Variants in ZFHX3 observed in about 807,000 individuals in gnomAD.
ZFHX3 encodes zinc finger homeobox 3, also known as zinc finger homeobox protein 3.
Under a neutral mutation model 279.1 loss-of-function variants are expected in ZFHX3, and 42 were observed. That is an observed-to-expected ratio of 0.15 (90% CI 0.12 to 0.19). The LOEUF is 0.19. ZFHX3 is among the 10% of genes least tolerant of loss of function. The pLI is 1.00. For synonymous variants in ZFHX3, 2,293 were observed against 1,957.8 expected (o/e 1.17, Z -4.52); for missense variants, 4,981 against 4,754.0 (o/e 1.05, Z -1.40).
intron 2 of ZFHX3, among the ~76,000 whole-genome samples, chr16:73,629,035 C>T (rs2052443627): frequency 6.6e-6 from 1 of 152,312 alleles, no homozygotes; most frequent in East Asian, 1.9e-4. Flanking sequence ...TGCTATCACA[C>T]ACTGTAATAA....
At chr16:73,752,541 G>C (rs536198247) in intron 1 of ZFHX3, among the ~76,000 whole-genome samples, 41 of 151,878 alleles carry the variant, frequency 2.7e-4, no homozygotes, top group African/African-American at 9.7e-4. Flanking sequence ...TCTCTTCCTG[G>C]TCCCCAACAG....
At position 72,787,994 on chromosome 16, in the gene ZFHX3, G is replaced by T; in HGVS notation, c.10282C>A (p.Pro3428Thr). ...SPKPEEQKNTPREVSPLLPKL... is the reference protein window; with the variant it reads ...SPKPEEQKNTTREVSPLLPKL... ...GGCAGGAGGGGGGACACCTCACGGGGGGTGTTTTTCTGTTCTTCTGGTTTG... is the reference window on the plus strand; with the variant it reads ...GGCAGGAGGGGGGACACCTCACGGGTGGTGTTTTTCTGTTCTTCTGGTTTG... The change falls in exon 10 of 10, where the codon CCC becomes ACC. Residue 3428 changes from proline to threonine, a missense_variant. By Grantham distance (38) the Pro-to-Thr change is conservative (BLOSUM62 -1). Around this residue, in one of 7 missense-constraint regions of ZFHX3, gnomAD observed 1,034 missense variants for 786.0 expected, o/e 1.32. Transcript: ENST00000268489. The T allele has an allele frequency of 6.2e-7, 1 of 1,613,600 alleles. No individual in the cohort carries two copies.
intron 1 of ZFHX3, among the ~76,000 whole-genome samples, chr16:73,029,838 C>CA (rs1964631961): frequency 6.6e-6 from 1 of 151,984 alleles, no homozygotes; most frequent in Non-Finnish European, 1.5e-5. Context: ...TTACAATGGA[C>CA]AAAAAATGAG....
At chr16:73,003,244 C>G (rs1401175650) in intron 1 of ZFHX3, among the ~76,000 whole-genome samples, 1 of 151,420 alleles carries the variant, frequency 6.6e-6, no homozygotes, top group African/African-American at 2.4e-5. Context: ...TTGCACGACT[C>G]TCAGGGTTTC....
At chr16:73,071,142 A>AG in intron 8 of ZFHX3, among the ~76,000 whole-genome samples, 1 of 148,344 alleles carries the variant, frequency 6.7e-6, no homozygotes, top group African/African-American at 2.5e-5. Context: ...AAAAAAAAAA[A>AG]GTCTGGAGGC....
At chr16:72,801,242 A>G (rs2036090719) in intron 7 of ZFHX3, among the ~76,000 whole-genome samples, 1 of 152,198 alleles carries the variant, frequency 6.6e-6, no homozygotes. Context: ...TAACCTTTCT[A>G]CGTGGCACCC....
chr16:73,762,682 T>C (rs180755910), intron 1 of ZFHX3, among the ~76,000 whole-genome samples: 3 of 152,228 alleles, frequency 2.0e-5, no homozygotes, highest in Non-Finnish European at 2.9e-5. Context: ...TGCAGGGACA[T>C]GGATGGAGCA....
rs529108683 is a variant in ZFHX3 at position 73,797,584 on chromosome 16, C to A, written c.-1608+94067G>T. On this transcript the variant is annotated intron_variant, in intron 1 of 17. Transcript: ENST00000641206. Reference sequence around the variant, plus strand: ...ATGCCTGAAATTTTCAAGTATGATTCATTGTATGACAATGAAATTCAGAAG... The same window carrying A: ...ATGCCTGAAATTTTCAAGTATGATTAATTGTATGACAATGAAATTCAGAAG... Among the ~76,000 whole-genome samples the A allele has an allele frequency of 2.0e-5, 3 of 152,094 alleles. No individual in the cohort carries two copies. The South Asian group carries it at 6.2e-4, about 31-fold the overall frequency.
chr16:73,721,484 G>A (rs1372044364), intron 1 of ZFHX3, among the ~76,000 whole-genome samples: 1 of 152,096 alleles, frequency 6.6e-6, no homozygotes, highest in African/African-American at 2.4e-5. Context: ...CCCAGTCCTT[G>A]GATTTGCTGA....
intron 1 of ZFHX3, among the ~76,000 whole-genome samples, chr16:73,889,238 G>C (rs1250798509): frequency 1.3e-5 from 2 of 152,190 alleles, no homozygotes; most frequent in Non-Finnish European, 2.9e-5. Flanking sequence ...AGGTGCGGCT[G>C]TGCAGGAAGG....
At chr16:73,470,060 C>T (rs532397704) in intron 2 of ZFHX3, among the ~76,000 whole-genome samples, 56 of 152,262 alleles carry the variant, frequency 3.7e-4, no homozygotes, top group Non-Finnish European at 6.6e-4. Flanking sequence ...ATATTCATCA[C>T]CTTGGGAGGG....
At chr16:73,406,530 G>A (rs12933551) in intron 3 of ZFHX3, among the ~76,000 whole-genome samples, 58,255 of 152,058 alleles carry the variant, frequency 0.38, 11,526 homozygotes, top group East Asian at 0.53. Flanking sequence ...TGACAGCTTC[G>A]CGTAGCTGCT....
chr16:73,418,684 T>C (rs765257732), intron 3 of ZFHX3, among the ~76,000 whole-genome samples: 2 of 152,232 alleles, frequency 1.3e-5, no homozygotes, highest in African/African-American at 2.4e-5. Flanking sequence ...TGTGGCTTTG[T>C]CCGTATTTCC....
chr16:73,328,177 T>C (rs897599001), intron 3 of ZFHX3, among the ~76,000 whole-genome samples: 3 of 152,196 alleles, frequency 2.0e-5, no homozygotes, highest in Non-Finnish European at 2.9e-5. Context: ...CTTGGATCCA[T>C]CTGTAGTGCG....
chr16:73,212,164 A>G (rs548856206), intron 5 of ZFHX3, among the ~76,000 whole-genome samples: 10 of 133,272 alleles, frequency 7.5e-5, no homozygotes, highest in Non-Finnish European at 1.2e-4. Flanking sequence ...AAGCAAAAAG[A>G]AAAAAAAAAA....
At chr16:73,619,695 T>G (rs1244095303) in intron 2 of ZFHX3, among the ~76,000 whole-genome samples, 1 of 151,852 alleles carries the variant, frequency 6.6e-6, no homozygotes, top group Non-Finnish European at 1.5e-5. Context: ...ATGCAGACAT[T>G]CTTCCCTCCA....
At chr16:73,399,591 T>C (rs1597318673) in intron 3 of ZFHX3, among the ~76,000 whole-genome samples, 1 of 152,154 alleles carries the variant, frequency 6.6e-6, no homozygotes, top group Admixed American at 6.5e-5. Context: ...TTCAGGAGTA[T>C]TGACATGCTA....
At chr16:72,875,534 TA>T (rs1451140646) in intron 4 of ZFHX3, among the ~76,000 whole-genome samples, 2 of 152,278 alleles carry the variant, frequency 1.3e-5, no homozygotes, top group East Asian at 3.8e-4. Flanking sequence ...GTGCAGTTTC[TA>T]CTTCATTCAG....
At chr16:72,801,769 A>T (rs1004241074) in intron 7 of ZFHX3, among the ~76,000 whole-genome samples, 2 of 152,180 alleles carry the variant, frequency 1.3e-5, no homozygotes, top group African/African-American at 4.8e-5. Context: ...TGCCAAACTC[A>T]TTCCATCTAT....
Sources: allele counts gnomAD v4.1 joint callset (sites outside exome capture counted in the v4.1 genomes callset), GRCh38; gene constraint gnomAD v4.1.1; regional missense constraint gnomAD v4.1.1; transcripts MANE v1.5; gene names NCBI Gene and HGNC (gene_info 2026-07-23, HGNC 2026-07-21).